ANKRD55: variants seen among roughly 807,000 people sequenced by gnomAD.
ANKRD55 encodes ankyrin repeat domain-containing protein 55.
In ANKRD55, 41 loss-of-function variants were observed where a neutral mutation model predicts 60.6. That is an observed-to-expected ratio of 0.68 (90% CI 0.53 to 0.88). The LOEUF (loss-of-function observed/expected upper bound fraction) is 0.88. Among genes scored for constraint, ANKRD55 ranks in the 40% least tolerant of loss-of-function variants. ANKRD55 has a pLI of 0.00. For missense variants in ANKRD55, 732 were observed against 767.6 expected (o/e 0.95, Z 0.55); for synonymous variants, 264 against 290.3 (o/e 0.91, Z 0.92).
chr5:56,187,078 A>G (rs1758989591), intron 2 of ANKRD55, among the ~76,000 whole-genome samples: 1 of 152,274 alleles, frequency 6.6e-6, no homozygotes, highest in Admixed American at 6.5e-5. Context: ...CAATGAATGC[A>G]TTGCCTGATA....
chr5:56,138,534 T>C (rs1757671901), intron 7 of ANKRD55, among the ~76,000 whole-genome samples: 1 of 152,226 alleles, frequency 6.6e-6, no homozygotes, highest in African/African-American at 2.4e-5. Flanking sequence ...CACAAAAAGC[T>C]GCACACAGAT....
intron 10 of ANKRD55, among the ~76,000 whole-genome samples, chr5:56,109,438 C>T (rs1299777618): frequency 6.6e-6 from 1 of 152,000 alleles, no homozygotes; most frequent in Non-Finnish European, 1.5e-5. Context: ...TGACAATTTA[C>T]TTAAAAACAA....
At chr5:56,200,691 T>C (rs1214012359) in intron 2 of ANKRD55, among the ~76,000 whole-genome samples, 1 of 152,170 alleles carries the variant, frequency 6.6e-6, no homozygotes, top group Non-Finnish European at 1.5e-5. Context: ...GAAGTTAGCT[T>C]GACATTTGTT....
chr5:56,231,690 C>T (rs1039739043), intron 2 of ANKRD55, among the ~76,000 whole-genome samples: 1 of 145,988 alleles, frequency 6.8e-6, no homozygotes, highest in East Asian at 1.9e-4. Flanking sequence ...CACACACACA[C>T]ACACACATAC....
At chr5:56,101,383 G>C (rs1157565704) in intron 11 of ANKRD55, among the ~76,000 whole-genome samples, 1 of 149,276 alleles carries the variant, frequency 6.7e-6, no homozygotes, top group Non-Finnish European at 1.5e-5. Flanking sequence ...GCACTTAGGA[G>C]GATGTGGAGG....
intron 5 of ANKRD55, among the ~76,000 whole-genome samples, chr5:56,166,084 C>G (rs1580995234): frequency 1.3e-5 from 1 of 76,876 alleles, no homozygotes; most frequent in Non-Finnish European, 2.7e-5. Flanking sequence ...TCTTTCTTTT[C>G]TTTTTCTTTC....
At position 56,176,343 on chromosome 5, in the gene ANKRD55, C is replaced by T. The variant is rs138387290; in HGVS notation, c.182-61G>A. 77 of 1,594,462 alleles carry T rather than the reference C, an allele frequency of 4.8e-5. No individual in the cohort carries two copies. The East Asian group carries it at 1.3e-3, about 28-fold the overall frequency. ...GTGACCCATGAAACTGATGAGCAGG[C>T]TTTATTGGCCTGTTCATTTATTTTG... is the stretch of plus-strand genomic sequence containing the variant. On this transcript the variant is annotated intron_variant, in intron 3 of 11. Transcript: ENST00000341048.
intron 2 of ANKRD55, among the ~76,000 whole-genome samples, chr5:56,227,455 T>G (rs1464328197): frequency 2.0e-5 from 3 of 152,040 alleles, no homozygotes; most frequent in Non-Finnish European, 2.9e-5. Context: ...ACCTACACAC[T>G]GTGCATATGT....
chr5:56,226,050 C>G (rs139773565), intron 2 of ANKRD55, among the ~76,000 whole-genome samples: 4,921 of 152,272 alleles, frequency 0.032, 127 homozygotes, highest in Non-Finnish European at 0.053. Context: ...AAGAACAAAG[C>G]TAGAGGCATC....
intron 2 of ANKRD55, among the ~76,000 whole-genome samples, chr5:56,203,069 C>T (rs1203961765): frequency 2.6e-5 from 4 of 152,126 alleles, no homozygotes; most frequent in Admixed American, 6.5e-5. Flanking sequence ...TACACATGTT[C>T]TGCTCAGATG....
At position 56,183,550 on chromosome 5, in the gene ANKRD55, C is replaced by T. The variant is rs774731240; in HGVS notation, c.143G>A (p.Arg48Gln). The T allele has an allele frequency of 8.7e-6, 14 of 1,614,132 alleles. No individual in the cohort carries two copies. The highest frequency in any genetic ancestry group is 4.5e-5 in the East Asian group (2 of 44,870). The change falls in exon 3 of 12, where the codon CGG (arginine) becomes CAG (glutamine). Residue 48 changes from arginine to glutamine, a missense_variant. Arg to Gln is a conservative substitution (Grantham distance 43). Coordinates refer to ENST00000341048, the MANE Select transcript of ANKRD55 (RefSeq NM_024669.3). ...GCATTCTAGGATAGAAGGGTCTTCC[C>T]GAATCACTGCAGTCAGAGCATTGAC... is the stretch of plus-strand genomic sequence containing the variant. ...GDVNALTAVIREDPSILECCD... is the reference protein window; with the variant it reads ...GDVNALTAVIQEDPSILECCD...
chr5:56,224,345 G>C (rs1760050318), intron 2 of ANKRD55, among the ~76,000 whole-genome samples: 1 of 152,206 alleles, frequency 6.6e-6, no homozygotes, highest in Non-Finnish European at 1.5e-5. Flanking sequence ...GCAGTGTGTA[G>C]AGGGAAATTT....
intron 2 of ANKRD55, among the ~76,000 whole-genome samples, chr5:56,220,041 G>A (rs1759922067): frequency 6.6e-6 from 1 of 152,220 alleles, no homozygotes; most frequent in Admixed American, 6.5e-5. Flanking sequence ...ACCGGAGGCT[G>A]AGCTGAGGGA....
intron 5 of ANKRD55, among the ~76,000 whole-genome samples, chr5:56,169,442 T>C (rs76075623): frequency 6.9e-6 from 1 of 145,054 alleles, no homozygotes; most frequent in South Asian, 2.1e-4. Flanking sequence ...TTTTTTTTTT[T>C]CCTAATTCAT....
At chr5:56,216,917 G>A (rs1192060798) in intron 2 of ANKRD55, among the ~76,000 whole-genome samples, 1 of 152,224 alleles carries the variant, frequency 6.6e-6, no homozygotes, top group Non-Finnish European at 1.5e-5. Flanking sequence ...ATTGATGAAC[G>A]TGGCTATAGT....
chr5:56,112,511 A>AAAAAAAACAAAAAAAAAAAAAC (rs1554036588), intron 9 of ANKRD55, among the ~76,000 whole-genome samples: 15 of 81,524 alleles, frequency 1.8e-4, no homozygotes, highest in African/African-American at 8.1e-4. Context: ...TAGCAAAAAA[A>AAAAAAAACAAAAAAAAAAAAAC]AAAAAAAAAA....
At chr5:56,151,834 T>C (rs1278093897) in intron 6 of ANKRD55, among the ~76,000 whole-genome samples, 1 of 148,086 alleles carries the variant, frequency 6.8e-6, no homozygotes, top group Non-Finnish European at 1.5e-5. Flanking sequence ...AATCTATATA[T>C]ATATATGTGT....
intron 2 of ANKRD55, among the ~76,000 whole-genome samples, chr5:56,219,942 C>T (rs1187535685): frequency 6.6e-6 from 1 of 152,192 alleles, no homozygotes; most frequent in Non-Finnish European, 1.5e-5. Flanking sequence ...ATATCAGGTA[C>T]CCAGCACAAT....
chr5:56,224,157 C>A (rs160488), intron 2 of ANKRD55, among the ~76,000 whole-genome samples: 1 of 152,018 alleles, frequency 6.6e-6, no homozygotes, highest in Non-Finnish European at 1.5e-5. Context: ...ACAGTGCAAT[C>A]AAACTAGAAC....
Sources: gnomAD v4.1 joint callset for allele counts (sites outside exome capture counted in the v4.1 genomes callset) on GRCh38, gnomAD v4.1.1 for gene constraint, MANE v1.5 for transcripts, NCBI Gene and HGNC (gene_info 2026-07-23, HGNC 2026-07-21) for gene names.